Variants in GMNC observed in about 807,000 individuals in gnomAD.
The protein encoded by GMNC is geminin coiled-coil domain-containing protein 1.
Under a neutral mutation model 33.6 loss-of-function variants are expected in GMNC, and 16 were observed. The ratio of observed to expected loss-of-function variants is 0.48; its 90% CI spans 0.32 to 0.72. The LOEUF (loss-of-function observed/expected upper bound fraction) is 0.72, where lower values mean the gene tolerates loss of function less well. Among genes scored for constraint, GMNC ranks in the 30% least tolerant of loss-of-function variants. The pLI, the probability that GMNC is intolerant of heterozygous loss-of-function variation, is 0.03. For synonymous variants in GMNC, 156 were observed against 147.3 expected (o/e 1.06, Z -0.43); for missense variants, 393 against 388.9 (o/e 1.01, Z -0.09).
rs914644599 is a variant in GMNC at position 190,861,968 on chromosome 3, G to GA, written c.3+644dup. ...AGAAAACAAATAAGAAGAAAAAAGA[G>GA]AAAAAAAAGTTAAGTCAATTCAATC... On this transcript the variant is annotated intron_variant, in intron 1 of 4. Coordinates refer to ENST00000442080, the MANE Select transcript of GMNC (RefSeq NM_001146686.3). The surrounding 1 kb of genome is among the most constrained non-coding windows in gnomAD (Gnocchi z 5.1). 3.3e-5 allele frequency among the ~76,000 whole-genome samples: 5 copies of GA among 151,438 alleles called. No individual in the cohort carries two copies. The East Asian group carries it at 5.8e-4, about 18-fold the overall frequency.
At chr3:190,858,756 T>C (rs1737800329) in intron 3 of GMNC, among the ~76,000 whole-genome samples, 172 bp downstream of exon 3, 1 of 152,230 alleles carries the variant, frequency 6.6e-6, no homozygotes, top group Non-Finnish European at 1.5e-5. Context: ...TTGCTTGTTT[T>C]TCTTTTCTCT....
rs1295754703 is a variant in GMNC at position 190,855,668 on chromosome 3, G to A, written c.632C>T (p.Ala211Val). 6.4e-7 allele frequency: 1 copy of A among 1,551,582 alleles called. No individual in the cohort carries two copies. The highest frequency in any genetic ancestry group is 2.0e-5 in the Admixed American group (1 of 50,990). ...IDDTSSANYS[A>V]LASHPRRVAS... is the part of the protein sequence containing the mutation. ...GACTCTTCTGGGATGAGATGCGAGG[G>A]CACTGTAGTTAGCTGATGAGGTGTC... The change falls in exon 5 of 5, where the codon GCC (alanine) becomes GTC (valine). Residue 211 changes from alanine to valine, a missense_variant. Physicochemically the swap from Ala to Val is moderately conservative, Grantham distance 64 (BLOSUM62 0). Transcript: ENST00000442080.
At chr3:190,851,910 TAA>T (rs1343300940), downstream of GMNC, among the ~76,000 whole-genome samples, 1 of 151,966 alleles carries the variant, frequency 6.6e-6, no homozygotes, top group Non-Finnish European at 1.5e-5. Flanking sequence ...TTTAAAATAT[TAA>T]GTGTTAAATT....
At chr3:190,858,790 C>T in intron 3 of GMNC, 138 bp downstream of exon 3, 1 of 440,510 alleles carries the variant, frequency 2.3e-6, no homozygotes, top group East Asian at 3.5e-5. Flanking sequence ...TAACTTTGAT[C>T]TCTCTTTGGA....
chr3:190,851,134 A>C (rs1467657658), downstream of GMNC, among the ~76,000 whole-genome samples: 4 of 152,226 alleles, frequency 2.6e-5, no homozygotes, highest in Non-Finnish European at 5.9e-5. Context: ...CTATATACCT[A>C]TATAGTGGCC....
chr3:190,857,113 T>A (rs1317467171), intron 4 of GMNC, among the ~76,000 whole-genome samples: 1 of 147,072 alleles, frequency 6.8e-6, no homozygotes, highest in Non-Finnish European at 1.5e-5. Context: ...AATGATAACA[T>A]AATGGCAACT....
At chr3:190,852,348 A>G (rs575837378), downstream of GMNC, among the ~76,000 whole-genome samples, 7 of 152,170 alleles carry the variant, frequency 4.6e-5, no homozygotes, top group African/African-American at 1.4e-4. Context: ...CTTTTCCTCA[A>G]ATTTTTCAAA....
At chr3:190,857,022 A>C (rs1168729969) in intron 4 of GMNC, among the ~76,000 whole-genome samples, 1 of 151,062 alleles carries the variant, frequency 6.6e-6, no homozygotes, top group Non-Finnish European at 1.5e-5. Flanking sequence ...GAGTAGCAAG[A>C]AGCATCATCA....
rs1183918919 is a variant in GMNC at position 190,854,610 on chromosome 3, G to A, written c.*685C>T. On this transcript the variant is annotated 3_prime_UTR_variant, in exon 5 of 5. Transcript: ENST00000442080. The stretch of plus-strand genomic sequence containing the variant: ...GTACATATAGAAGCTGATACATCAT[G>A]AGGCATTTAAAAATAATTTAAATTC... 2 of 152,270 alleles carry A rather than the reference G, an allele frequency of 1.3e-5. No individual in the cohort carries two copies. Among genetic ancestry groups the A allele is most frequent in the Admixed American group, 6.5e-5 (1 of 15,282 alleles). 9.4% of individuals were successfully genotyped at this position (152,270 alleles called of 1,614,324 possible).
chr3:190,844,432 A>T, the GMNC span, among the ~76,000 whole-genome samples: 1 of 151,432 alleles, frequency 6.6e-6, no homozygotes, highest in Non-Finnish European at 1.5e-5. Context: ...TGTGTTTTTA[A>T]ATAATTTAAT....
chr3:190,862,416 GAGAA>G lies in GMNC; in HGVS notation c.3+193_3+196del, dbSNP rs1341474786. ...GAGAGAAAGAAGAGGGAGAGAGGGA[GAGAA>G]AGAGAGAGAGAGAGAGAGAAAGCAG... On this transcript the variant is annotated intron_variant, in intron 1 of 4. Coordinates refer to ENST00000442080, the MANE Select transcript of GMNC (RefSeq NM_001146686.3). This position sits in a 1 kb window ranked among gnomAD's most constrained non-coding sequence, Gnocchi z 4.5. 1.9e-4 allele frequency among the ~76,000 whole-genome samples: 28 copies of G among 144,196 alleles called. No individual in the cohort carries two copies. The highest frequency in any genetic ancestry group is 6.6e-4 in the African/African-American group (24 of 36,384). The allele number at this position is 144,196 out of a possible 152,430, so 94.6% of individuals were successfully genotyped here.
chr3:190,855,890 G>A lies in GMNC; in HGVS notation c.410C>T (p.Ser137Phe), dbSNP rs897912665. ...AKKLLSSDEF[S>F]KAYGKFRKGK... ...CTTCCTGAATTTTCCATATGCTTTG[G>A]AGAACTCATCAGATGAGAGCAATTT... The change falls in exon 5 of 5, where the codon TCC becomes TTC. Residue 137 changes from serine to phenylalanine, a missense_variant. By Grantham distance (155) the Ser-to-Phe change is radical. Coordinates refer to ENST00000442080, the MANE Select transcript of GMNC (RefSeq NM_001146686.3). The A allele has an allele frequency of 2.4e-5, 37 of 1,550,382 alleles. No homozygotes were observed. The highest frequency in any genetic ancestry group is 2.6e-5 in the Non-Finnish European group (30 of 1,146,160).
chr3:190,856,362 T>C (rs1338042716), intron 4 of GMNC, among the ~76,000 whole-genome samples: 1 of 142,410 alleles, frequency 7.0e-6, no homozygotes, highest in Admixed American at 7.1e-5. Flanking sequence ...TATATATTTA[T>C]AAATATTTAG....
Position 190,860,856 on chromosome 3 carries a change from G to A in GMNC, c.6C>T (p.Asn2=), listed in dbSNP as rs1254137329. 11 of 1,545,056 alleles carry A rather than the reference G, an allele frequency of 7.1e-6. No homozygotes were observed. The South Asian group carries it at 8.4e-5, about 12-fold the overall frequency. Residue 2 remains asparagine, a splice_region_variant and synonymous_variant, in exon 2 of 5, where the codon AAC becomes AAT. Transcript: ENST00000442080. The part of the protein sequence containing the change: M[N]TILPCQDQYF... ...ACTGGTCTTGGCAAGGCAGAATGGT[G>A]TTCTGTGAAATTCAGTATGGGGGGA...
At chr3:190,859,833 G>T (rs775937001) in intron 2 of GMNC, 9 of 454,878 alleles carry the variant, frequency 2.0e-5, no homozygotes, top group Non-Finnish European at 4.0e-5. Context: ...AAATATTTTT[G>T]ATTAAAGTGA....
intron 2 of GMNC, among the ~76,000 whole-genome samples, chr3:190,859,974 G>A (rs7640070): frequency 0.39 from 59,311 of 152,008 alleles, 12,731 homozygotes; most frequent in African/African-American, 0.58. Context: ...ATTTAAGTGT[G>A]CTTTTAATAT....
rs534317093 is a variant in GMNC, at chr3:190,860,566, G to A, written c.178+118C>T. 516 of 836,692 alleles carry A rather than the reference G, an allele frequency of 6.2e-4. 7 individuals are homozygous for A. In the South Asian group the frequency reaches 0.01, roughly 17 times the overall value. The allele number at this position is 836,692 out of a possible 1,614,324, so 51.8% of individuals were successfully genotyped here. On this transcript the variant is annotated intron_variant, in intron 2 of 4. Coordinates refer to ENST00000442080, the MANE Select transcript of GMNC (RefSeq NM_001146686.3). Reference sequence around the variant, plus strand: ...GACTGTAAAAATCAGGAGTCCTTGGGTTTACTTAAATTTTCCATATCGTCC... The same window carrying A: ...GACTGTAAAAATCAGGAGTCCTTGGATTTACTTAAATTTTCCATATCGTCC...
intron 2 of GMNC, 37 bp from the exon 3 acceptor site, chr3:190,859,053 T>G (rs555702854): frequency 8.1e-7 from 1 of 1,238,006 alleles, no homozygotes; most frequent in African/African-American, 1.5e-5. Flanking sequence ...GAAAATAATC[T>G]TGTAGTTTCT....
downstream of GMNC, among the ~76,000 whole-genome samples, chr3:190,848,325 A>T (rs554425678): frequency 7.0e-4 from 107 of 152,338 alleles, no homozygotes; most frequent in African/African-American, 2.5e-3. Context: ...AAAAGTTACC[A>T]TTCTCTACAT....
Sources: gnomAD v4.1 joint callset for allele counts (sites outside exome capture counted in the v4.1 genomes callset) on GRCh38, gnomAD v4.1.1 for gene constraint, Gnocchi (gnomAD v3.1) non-coding constraint, MANE v1.5 for transcripts, NCBI Gene and HGNC (gene_info 2026-07-23, HGNC 2026-07-21) for gene names.